Variants in LTBP1 observed in about 807,000 individuals in gnomAD.
The protein encoded by LTBP1 is latent-transforming growth factor beta-binding protein 1.
Under a neutral mutation model 207.6 loss-of-function variants are expected in LTBP1, and 129 were observed. The ratio of observed to expected loss-of-function variants is 0.62; its 90% CI spans 0.54 to 0.72. The LOEUF (loss-of-function observed/expected upper bound fraction) is 0.72, where lower values mean the gene tolerates loss of function less well. Ranked by LOEUF, LTBP1 falls within the 30% of genes least tolerant of loss-of-function variation. The pLI is 0.00. For synonymous variants in LTBP1, 963 were observed against 833.7 expected (o/e 1.16, Z -2.67); for missense variants, 2,281 against 2,217.2 (o/e 1.03, Z -0.58).
intron 32 of LTBP1, among the ~76,000 whole-genome samples, chr2:33,391,966 C>T (rs2095318333): frequency 1.3e-5 from 2 of 152,152 alleles, no homozygotes; most frequent in African/African-American, 4.8e-5. Flanking sequence ...TTCCCCCTTC[C>T]CAGCCAGTTT....
At chr2:33,111,461 C>CCATAGGTA (rs1327948142) in intron 4 of LTBP1, among the ~76,000 whole-genome samples, 4 of 152,202 alleles carry the variant, frequency 2.6e-5, no homozygotes, top group Admixed American at 2.6e-4. Context: ...TGCCCTGTCA[C>CCATAGGTA]ATGTTGACTG....
At chr2:33,037,947 G>A (rs1199481224) in intron 3 of LTBP1, among the ~76,000 whole-genome samples, 2 of 152,106 alleles carry the variant, frequency 1.3e-5, no homozygotes, top group African/African-American at 4.8e-5. Flanking sequence ...TTCAACTCCC[G>A]AACTCAAGCA....
intron 4 of LTBP1, among the ~76,000 whole-genome samples, chr2:33,125,115 G>T (rs1057180460): frequency 6.6e-6 from 1 of 152,174 alleles, no homozygotes; most frequent in Admixed American, 6.5e-5. Flanking sequence ...TTTCCCAAGC[G>T]TATAGCATTC....
intron 24 of LTBP1, among the ~76,000 whole-genome samples, chr2:33,339,598 C>G (rs985906482): frequency 2.6e-5 from 4 of 151,718 alleles, no homozygotes; most frequent in Admixed American, 6.6e-5. Context: ...TTTGTGTTTA[C>G]TGTTGTAAGG....
chr2:33,342,186 C>T (rs773698725), intron 24 of LTBP1, among the ~76,000 whole-genome samples: 4 of 152,252 alleles, frequency 2.6e-5, no homozygotes, highest in Non-Finnish European at 5.9e-5. Context: ...CAGAAGATCA[C>T]TCTCATCACG....
chr2:33,080,219 G>A (rs2078315745), intron 3 of LTBP1, among the ~76,000 whole-genome samples: 1 of 152,016 alleles, frequency 6.6e-6, no homozygotes, highest in Non-Finnish European at 1.5e-5. Flanking sequence ...TTGAGATGGG[G>A]GTTTCACCAT....
chr2:33,040,750 C>G (rs1013391062), intron 3 of LTBP1, among the ~76,000 whole-genome samples: 11 of 152,206 alleles, frequency 7.2e-5, no homozygotes, highest in Admixed American at 2.0e-4. Context: ...CTGGACAGCA[C>G]AGGCATAGAG....
chr2:33,231,375 T>G (rs543117264), intron 9 of LTBP1, among the ~76,000 whole-genome samples: 6 of 152,306 alleles, frequency 3.9e-5, no homozygotes, highest in Admixed American at 3.9e-4. Flanking sequence ...AAAAAGTTCC[T>G]CGGAGTGCAT....
chr2:32,959,613 ATATATATAT>A (rs1267231426), intron 2 of LTBP1, among the ~76,000 whole-genome samples: 15 of 36,768 alleles, frequency 4.1e-4, no homozygotes, highest in East Asian at 2.6e-3. Flanking sequence ...ATATATATAT[ATATATATAT>A]TTTTTTTTTT....
In LTBP1 at chr2:33,110,727, G is replaced by T. The variant is rs2080354292; in HGVS notation, c.1009G>T (p.Asp337Tyr). 1.2e-6 allele frequency: 2 copies of T among 1,614,054 alleles called. No homozygotes were observed. The highest frequency in any genetic ancestry group is 4.5e-5 in the East Asian group (2 of 44,876). Residue 337 changes from aspartate (D) to tyrosine (Y), a missense_variant, in exon 4 of 34, where the codon GAT becomes TAT. This residue lies in a region of LTBP1 where 555 missense variants were observed against 491.0 expected (regional missense o/e 1.13). Coordinates refer to ENST00000404816, the MANE Select transcript of LTBP1 (RefSeq NM_206943.4). Reference protein sequence around the residue: ...EGSFPLRYVQDQVAAPFQLSN... With the variant: ...EGSFPLRYVQYQVAAPFQLSN... The stretch of plus-strand genomic sequence containing the variant: ...TTCTTTCCCTTTAAGATATGTGCAG[G>T]ATCAAGTTGCGGCACCTTTTCAGCG...
intron 5 of LTBP1, among the ~76,000 whole-genome samples, chr2:33,149,263 A>G (rs2083325250): frequency 1.4e-5 from 2 of 138,404 alleles, no homozygotes; most frequent in Admixed American, 1.5e-4. Flanking sequence ...AAAGAGAGGG[A>G]GCTCCCATGG....
chr2:33,313,908 C>G (rs1273551514), intron 23 of LTBP1, among the ~76,000 whole-genome samples: 1 of 152,140 alleles, frequency 6.6e-6, no homozygotes, highest in Non-Finnish European at 1.5e-5. Flanking sequence ...GTATCAGAAC[C>G]ATTGTGAACA....
intron 3 of LTBP1, among the ~76,000 whole-genome samples, chr2:33,099,338 TC>T (rs2079575179): frequency 6.6e-6 from 1 of 152,250 alleles, no homozygotes; most frequent in Non-Finnish European, 1.5e-5. Context: ...GAAAGAATTT[TC>T]CCTTTTTATT....
chr2:32,970,595 T>C (rs867934300), intron 2 of LTBP1, among the ~76,000 whole-genome samples: 1 of 152,338 alleles, frequency 6.6e-6, no homozygotes, highest in African/African-American at 2.4e-5. Flanking sequence ...GTCTGGGTTC[T>C]CTATTCTGGT....
intron 18 of LTBP1, among the ~76,000 whole-genome samples, chr2:33,276,257 G>C (rs1281073042): frequency 6.6e-6 from 1 of 152,168 alleles, no homozygotes; most frequent in Non-Finnish European, 1.5e-5. Flanking sequence ...CATGCTGCAG[G>C]TGTAACCAGT....
chr2:33,387,736 G>GTTTGT (rs2095279311), intron 31 of LTBP1, among the ~76,000 whole-genome samples: 1 of 147,856 alleles, frequency 6.8e-6, no homozygotes, highest in African/African-American at 2.5e-5. Context: ...CCTTGGTGGG[G>GTTTGT]TTTTTTTTTT....
At chr2:33,102,891 ACT>A (rs1347133930) in intron 3 of LTBP1, among the ~76,000 whole-genome samples, 2 of 150,648 alleles carry the variant, frequency 1.3e-5, no homozygotes, top group Non-Finnish European at 3.0e-5. Flanking sequence ...CTCTGTATGC[ACT>A]GTCTGTATGC....
At chr2:33,213,219 A>G (rs2090443257) in intron 7 of LTBP1, among the ~76,000 whole-genome samples, 1 of 152,150 alleles carries the variant, frequency 6.6e-6, no homozygotes, top group Admixed American at 6.5e-5. Context: ...TTGACCCAAT[A>G]GGATTTTTGT....
At chr2:33,028,286 A>G (rs750208691) in intron 3 of LTBP1, among the ~76,000 whole-genome samples, 2 of 152,224 alleles carry the variant, frequency 1.3e-5, no homozygotes, top group Non-Finnish European at 2.9e-5. Context: ...TTTTGGTGCT[A>G]TGTAATAATA....
Sources: allele counts gnomAD v4.1 joint callset (sites outside exome capture counted in the v4.1 genomes callset), GRCh38; gene constraint gnomAD v4.1.1; regional missense constraint gnomAD v4.1.1; transcripts MANE v1.5; gene names NCBI Gene and HGNC (gene_info 2026-07-23, HGNC 2026-07-21).